ERBB4: variants seen among roughly 807,000 people sequenced by gnomAD.
ERBB4 encodes the protein erb-b2 receptor tyrosine kinase 4, also known as receptor tyrosine-protein kinase erbB-4.
Under a neutral mutation model 158.0 loss-of-function variants are expected in ERBB4, and 42 were observed. The ratio of observed to expected loss-of-function variants is 0.27; its 90% CI spans 0.21 to 0.34. The LOEUF (loss-of-function observed/expected upper bound fraction) is 0.34, where lower values mean the gene tolerates loss of function less well. Ranked by LOEUF, ERBB4 falls within the 10% of genes least tolerant of loss-of-function variation. The pLI, the probability that ERBB4 is intolerant of heterozygous loss-of-function variation, is 1.00. For synonymous variants in ERBB4, 583 were observed against 558.7 expected, an observed-to-expected ratio of 1.04 and a Z score of -0.61; for missense variants, 1,333 against 1,624.1, an observed-to-expected ratio of 0.82 and a Z score of 3.08.
At chr2:212,426,139 G>C (rs958808809) in intron 1 of ERBB4, 2 of 356,446 alleles carry the variant, frequency 5.6e-6, no homozygotes, top group Non-Finnish European at 1.1e-5. Flanking sequence ...TATATTACTT[G>C]TCATTGTTCT....
chr2:211,993,555 TAA>T, intron 2 of ERBB4, among the ~76,000 whole-genome samples: 1 of 151,944 alleles, frequency 6.6e-6, no homozygotes, highest in East Asian at 1.9e-4. Flanking sequence ...CAGATTTCTT[TAA>T]GAGACTTCCC....
intron 1 of ERBB4, among the ~76,000 whole-genome samples, chr2:212,284,726 TAA>T (rs1453896398): frequency 6.6e-6 from 1 of 152,126 alleles, no homozygotes; most frequent in Non-Finnish European, 1.5e-5. Flanking sequence ...TACCTAAACA[TAA>T]GTTAAATATG....
chr2:211,622,849 G>C (rs1485368741), intron 18 of ERBB4, among the ~76,000 whole-genome samples: 1 of 147,694 alleles, frequency 6.8e-6, no homozygotes, highest in Non-Finnish European at 1.5e-5. Flanking sequence ...TGTAATCCCA[G>C]CTACTGGGGA....
chr2:211,946,751 C>T (rs1418951179), intron 3 of ERBB4, among the ~76,000 whole-genome samples: 4 of 151,808 alleles, frequency 2.6e-5, no homozygotes, highest in Non-Finnish European at 1.5e-5. Context: ...AACTTTCATG[C>T]ACCCTGAGCT....
chr2:211,562,112 A>G, intron 19 of ERBB4, 24 bp from the exon 20 acceptor site: 3 of 1,603,504 alleles, frequency 1.9e-6, no homozygotes. Flanking sequence ...ATGCAATACC[A>G]TGATTTCAAC....
At chr2:211,536,391 T>C (rs1030211295) in intron 20 of ERBB4, among the ~76,000 whole-genome samples, 1 of 151,902 alleles carries the variant, frequency 6.6e-6, no homozygotes, top group African/African-American at 2.4e-5. Flanking sequence ...ACTTGAAAGA[T>C]GGGTCTTCCT....
chr2:211,411,072 G>A (rs2063249075), intron 25 of ERBB4, among the ~76,000 whole-genome samples: 2 of 151,952 alleles, frequency 1.3e-5, no homozygotes, highest in African/African-American at 4.8e-5. Flanking sequence ...CTACACCCAG[G>A]TAATTTTTGT....
chr2:211,579,318 G>T (rs927305118), intron 19 of ERBB4, among the ~76,000 whole-genome samples: 3 of 152,110 alleles, frequency 2.0e-5, no homozygotes, highest in African/African-American at 7.2e-5. Flanking sequence ...GAGAGGCTGT[G>T]GAGATATAGG....
chr2:211,687,361 C>T (rs993246595), intron 12 of ERBB4, among the ~76,000 whole-genome samples: 1 of 151,430 alleles, frequency 6.6e-6, no homozygotes, highest in Non-Finnish European at 1.5e-5. Flanking sequence ...CACAATATTG[C>T]CTAGTATCTA....
At chr2:211,819,729 G>T (rs921688925) in intron 3 of ERBB4, among the ~76,000 whole-genome samples, 18 of 151,826 alleles carry the variant, frequency 1.2e-4, no homozygotes, top group Admixed American at 5.3e-4. Context: ...GATAGTGAAA[G>T]ATTTTTGGAA....
intron 1 of ERBB4, among the ~76,000 whole-genome samples, chr2:212,333,528 A>G (rs1194310409): frequency 1.3e-5 from 1 of 75,592 alleles, no homozygotes; most frequent in Non-Finnish European, 3.1e-5. Context: ...AAAAAATACG[A>G]AAAAAAAAAA....
intron 17 of ERBB4, among the ~76,000 whole-genome samples, chr2:211,626,539 A>T (rs1390219580): frequency 6.6e-6 from 1 of 152,174 alleles, no homozygotes; most frequent in Non-Finnish European, 1.5e-5. Flanking sequence ...TTACTAAGAA[A>T]AAGATAGGGA....
intron 19 of ERBB4, among the ~76,000 whole-genome samples, chr2:211,597,765 A>G (rs2068681448): frequency 6.6e-6 from 1 of 152,144 alleles, no homozygotes; most frequent in South Asian, 2.1e-4. Context: ...TTATTTTTTA[A>G]CCTTCACATG....
Position 212,465,752 on chromosome 2 carries a change from T to A in ERBB4, c.82+72697A>T, listed in dbSNP as rs145892458. Among the ~76,000 whole-genome samples the A allele has an allele frequency of 3.9e-3, 588 of 152,322 alleles. 5 individuals are homozygous for A. The highest frequency in any genetic ancestry group is 0.013 in the African/African-American group (545 of 41,572). On this transcript the variant is annotated intron_variant, in intron 1 of 27. Coordinates refer to ENST00000342788, the MANE Select transcript of ERBB4 (RefSeq NM_005235.3). ...TTTCCACCATTTATACCTAAAGTAG[T>A]CATCCCCTGGCTATGTGTCTCAAAT...
At chr2:212,004,361 A>G (rs943158555) in intron 2 of ERBB4, among the ~76,000 whole-genome samples, 16 of 152,192 alleles carry the variant, frequency 1.1e-4, no homozygotes, top group African/African-American at 3.9e-4. Context: ...CTAGAAAGAA[A>G]TCTCCTTTTG....
intron 1 of ERBB4, among the ~76,000 whole-genome samples, chr2:212,299,764 T>C (rs914010154): frequency 3.3e-5 from 5 of 151,638 alleles, no homozygotes; most frequent in African/African-American, 1.2e-4. Context: ...AACAGCAGTC[T>C]GTTGTTTGAA....
chr2:211,430,231 C>G (rs755243581), intron 21 of ERBB4, among the ~76,000 whole-genome samples: 1 of 152,080 alleles, frequency 6.6e-6, no homozygotes, highest in African/African-American at 2.4e-5. Flanking sequence ...TCACCATAGC[C>G]TAAGATTGCA....
intron 2 of ERBB4, among the ~76,000 whole-genome samples, chr2:212,061,918 A>T (rs1355984567): frequency 6.6e-6 from 1 of 151,778 alleles, no homozygotes; most frequent in Non-Finnish European, 1.5e-5. Context: ...TATTTTTGGT[A>T]CAGACAGGGT....
intron 3 of ERBB4, among the ~76,000 whole-genome samples, chr2:211,861,662 T>C (rs1168521663): frequency 6.6e-6 from 1 of 152,088 alleles, no homozygotes; most frequent in African/African-American, 2.4e-5. Flanking sequence ...ACACACGAAG[T>C]CTTGGGTTAT....
Sources: allele counts gnomAD v4.1 joint callset (sites outside exome capture counted in the v4.1 genomes callset), GRCh38; gene constraint gnomAD v4.1.1; transcripts MANE v1.5; gene names NCBI Gene and HGNC (gene_info 2026-07-23, HGNC 2026-07-21).